The following TRAPPC9 variants were observed in gnomAD, a reference collection of about 807,000 sequenced individuals.
TRAPPC9 encodes the protein trafficking protein particle complex subunit 9.
TRAPPC9 carries 83 observed loss-of-function variants against 124.0 expected under a neutral mutation model. That is an observed-to-expected ratio of 0.67 (90% CI 0.56 to 0.80). TRAPPC9 has a LOEUF of 0.80. Among genes scored for constraint, TRAPPC9 ranks in the 30% least tolerant of loss-of-function variants. The pLI, the probability that TRAPPC9 is intolerant of heterozygous loss-of-function variation, is 0.00. For missense variants in TRAPPC9, 1,302 were observed against 1,508.3 expected (o/e 0.86, Z 2.27); for synonymous variants, 638 against 617.5 (o/e 1.03, Z -0.49).
Position 140,252,806 on chromosome 8 carries a change from T to C in TRAPPC9, c.2402A>G (p.Gln801Arg), listed in dbSNP as rs771180619. ...NIKVKLDFSCQENLLQDLSDD... is the reference protein window; with the variant it reads ...NIKVKLDFSCRENLLQDLSDD... ...ACTGAGATCCTGCAGGAGATTCTCC[T>C]GGCAGGAGAAATCCAGCTTCACTTT... is the stretch of plus-strand genomic sequence containing the variant. The change falls in exon 16 of 23, where the codon CAG (glutamine) becomes CGG (arginine). Residue 801 changes from glutamine (Q) to arginine (R), a missense_variant. By Grantham distance (43) the Gln-to-Arg change is conservative. Around this residue, in one of 3 missense-constraint regions of TRAPPC9, gnomAD observed 640 missense variants for 679.3 expected, o/e 0.94. Coordinates refer to ENST00000438773, the MANE Select transcript of TRAPPC9 (RefSeq NM_001160372.4). This position sits in a 1 kb window ranked among gnomAD's most constrained non-coding sequence, Gnocchi z 4.2. 6.2e-7 allele frequency: 1 copy of C among 1,613,972 alleles called. No homozygotes were observed.
intron 17 of TRAPPC9, among the ~76,000 whole-genome samples, chr8:140,147,419 G>A (rs58019680): frequency 0.013 from 1,908 of 152,296 alleles, 121 homozygotes; most frequent in East Asian, 0.092. Context: ...TCTCAATTCC[G>A]CAGGTGAGGC....
chr8:140,362,392 G>T (rs2067982066), intron 8 of TRAPPC9, among the ~76,000 whole-genome samples: 1 of 151,962 alleles, frequency 6.6e-6, no homozygotes, highest in African/African-American at 2.4e-5. Context: ...AAGCCAATGT[G>T]GTCAAATTTT....
rs149108624 is a variant in TRAPPC9, at chr8:139,845,045, G to A, written c.3055+40834C>T. Among the ~76,000 whole-genome samples the A allele has an allele frequency of 2.5e-3, 376 of 152,278 alleles. 2 individuals are homozygous for A. Among genetic ancestry groups the A allele is most frequent in the African/African-American group, 8.3e-3 (344 of 41,564 alleles). On this transcript the variant is annotated intron_variant, in intron 21 of 22. Coordinates refer to ENST00000438773, the MANE Select transcript of TRAPPC9 (RefSeq NM_001160372.4). ...CTCTCCAGCCCTGCCCGGATTCATC[G>A]TGGTTTCTTGTGTGTCCCAGCACTC...
intron 17 of TRAPPC9, among the ~76,000 whole-genome samples, chr8:140,160,903 A>G (rs2061741000): frequency 1.3e-5 from 2 of 152,320 alleles, no homozygotes; most frequent in South Asian, 4.1e-4. Context: ...CCAGATTATC[A>G]TGAGTTCTGA....
chr8:139,935,031 G>C (rs1833421515), intron 19 of TRAPPC9, among the ~76,000 whole-genome samples: 1 of 152,164 alleles, frequency 6.6e-6, no homozygotes, highest in South Asian at 2.1e-4. Flanking sequence ...GAGGACCACA[G>C]GTATTCCCTA....
intron 21 of TRAPPC9, among the ~76,000 whole-genome samples, chr8:139,884,206 G>A (rs546962864): frequency 1.3e-5 from 2 of 152,070 alleles, no homozygotes; most frequent in African/African-American, 4.8e-5. Flanking sequence ...AGTGTCAAGG[G>A]CAGTTCGTGC....
intron 9 of TRAPPC9, among the ~76,000 whole-genome samples, chr8:140,328,827 T>C (rs191612240): frequency 1.8e-4 from 28 of 151,662 alleles, no homozygotes; most frequent in Admixed American, 1.8e-3. Context: ...CGAATTAGGG[T>C]GAAAGGATTT....
At position 140,300,626 on chromosome 8, in the gene TRAPPC9, A is replaced by G; in HGVS notation, c.1623-12T>C. 1.2e-6 allele frequency: 2 copies of G among 1,614,202 alleles called. No homozygotes were observed. Among genetic ancestry groups the G allele is most frequent in the Non-Finnish European group, 1.7e-6 (2 of 1,180,030 alleles). On this transcript the variant is annotated splice_polypyrimidine_tract_variant and intron_variant, in intron 10 of 22. Transcript: ENST00000438773. ...ATAGTTTCACATGCCTGTTGTTTCA[A>G]ACAGAACACAAATACTTCAACTGTC...
intron 9 of TRAPPC9, among the ~76,000 whole-genome samples, chr8:140,357,295 G>A (rs2067782262): frequency 6.6e-6 from 1 of 152,094 alleles, no homozygotes; most frequent in Non-Finnish European, 1.5e-5. Flanking sequence ...TGGGAAGGAA[G>A]GTGTGTGCTG....
chr8:140,206,992 A>C (rs2062937247), intron 17 of TRAPPC9, among the ~76,000 whole-genome samples: 1 of 152,120 alleles, frequency 6.6e-6, no homozygotes, highest in Non-Finnish European at 1.5e-5. Flanking sequence ...CGGAGCTTGA[A>C]GTCTAGTGGG....
Position 140,212,618 on chromosome 8 carries a change from C to A in TRAPPC9, c.2556+8841G>T, listed in dbSNP as rs189137926. On this transcript the variant is annotated intron_variant, in intron 17 of 22. Coordinates refer to ENST00000438773, the MANE Select transcript of TRAPPC9 (RefSeq NM_001160372.4). The stretch of plus-strand genomic sequence containing the variant: ...TTTGGTATCAGAGAAATGTTGACCT[C>A]ACAGAATGACTTAAGAAGTATTCCT... Among the ~76,000 whole-genome samples the A allele has an allele frequency of 2.6e-5, 4 of 152,234 alleles. No individual in the cohort carries two copies. The East Asian group carries it at 7.7e-4, about 29-fold the overall frequency.
chr8:140,343,882 C>A (rs2067262265), intron 9 of TRAPPC9, among the ~76,000 whole-genome samples: 1 of 152,138 alleles, frequency 6.6e-6, no homozygotes, highest in Admixed American at 6.5e-5. Flanking sequence ...ATAACCAAAT[C>A]CACACCCAGC....
intron 17 of TRAPPC9, among the ~76,000 whole-genome samples, chr8:140,146,551 A>T (rs571891429): frequency 6.6e-6 from 1 of 152,316 alleles, no homozygotes; most frequent in African/African-American, 2.4e-5. Context: ...CACTTTATGT[A>T]TCTCCATTTT....
At chr8:140,227,865 T>A (rs1415292098) in intron 16 of TRAPPC9, among the ~76,000 whole-genome samples, 1 of 152,228 alleles carries the variant, frequency 6.6e-6, no homozygotes, top group Non-Finnish European at 1.5e-5. Context: ...CCTTGCTCAA[T>A]ATCACACAGC....
intron 17 of TRAPPC9, among the ~76,000 whole-genome samples, chr8:140,042,720 A>G (rs150887183): frequency 8.2e-4 from 125 of 152,212 alleles, no homozygotes; most frequent in Middle Eastern, 3.4e-3. Context: ...CACCTAACAC[A>G]TCTCTGCCTT....
At chr8:140,032,833 T>C (rs1293691847) in intron 17 of TRAPPC9, among the ~76,000 whole-genome samples, 1 of 152,252 alleles carries the variant, frequency 6.6e-6, no homozygotes, top group Non-Finnish European at 1.5e-5. Context: ...AGTCGAACCA[T>C]GTCACATGTT....
At chr8:139,875,506 C>T (rs1829263561) in intron 21 of TRAPPC9, among the ~76,000 whole-genome samples, 1 of 152,240 alleles carries the variant, frequency 6.6e-6, no homozygotes, top group African/African-American at 2.4e-5. Context: ...AAGGTAACTA[C>T]TTTTGTAAAG....
intron 21 of TRAPPC9, among the ~76,000 whole-genome samples, chr8:139,748,566 G>A (rs1476833040): frequency 2.0e-5 from 3 of 151,936 alleles, no homozygotes; most frequent in Non-Finnish European, 2.9e-5. Flanking sequence ...GAGATTTGCA[G>A]GTGTCAGAGC....
At chr8:140,197,073 T>C (rs1202997278) in intron 17 of TRAPPC9, among the ~76,000 whole-genome samples, 1 of 152,184 alleles carries the variant, frequency 6.6e-6, no homozygotes, top group Admixed American at 6.5e-5. Context: ...CATAGATGAA[T>C]GCATGCTTCA....
Sources: allele counts gnomAD v4.1 joint callset (sites outside exome capture counted in the v4.1 genomes callset), GRCh38; gene constraint gnomAD v4.1.1; regional missense constraint gnomAD v4.1.1; non-coding constraint Gnocchi (gnomAD v3.1); transcripts MANE v1.5; gene names NCBI Gene and HGNC (gene_info 2026-07-23, HGNC 2026-07-21).